Variants in PTPRT observed in about 807,000 individuals in gnomAD.
PTPRT encodes the protein receptor-type tyrosine-protein phosphatase T.
In PTPRT, 56 loss-of-function variants were observed where a neutral mutation model predicts 176.8. The observed-to-expected ratio is 0.32, with a 90% confidence interval of 0.26 to 0.40. PTPRT has a LOEUF of 0.40. Ranked by LOEUF, PTPRT falls within the 10% of genes least tolerant of loss-of-function variation. The pLI is 1.00. For missense variants in PTPRT, 1,540 were observed against 1,908.2 expected (o/e 0.81, Z 3.60); for synonymous variants, 783 against 739.0 (o/e 1.06, Z -0.96).
intron 6 of PTPRT, among the ~76,000 whole-genome samples, chr20:42,744,222 C>G (rs992092047): frequency 6.6e-6 from 1 of 152,274 alleles, no homozygotes; most frequent in African/African-American, 2.4e-5. Context: ...CAGACTCTAC[C>G]TGAGTTCATG....
At chr20:42,397,408 G>A (rs1600953946) in intron 9 of PTPRT, among the ~76,000 whole-genome samples, 1 of 152,182 alleles carries the variant, frequency 6.6e-6, no homozygotes. Flanking sequence ...CCCAGGTAGT[G>A]AGTGTAGTAC....
intron 9 of PTPRT, among the ~76,000 whole-genome samples, chr20:42,432,868 C>T: frequency 6.6e-6 from 1 of 152,172 alleles, no homozygotes. Context: ...TATGTCTTTG[C>T]CTGTAAATCT....
intron 17 of PTPRT, among the ~76,000 whole-genome samples, chr20:42,153,880 G>A (rs566982687): frequency 5.9e-5 from 9 of 152,270 alleles, no homozygotes; most frequent in African/African-American, 2.2e-4. Flanking sequence ...AAGATCCTTG[G>A]TAACTCTTCC....
chr20:43,187,560 A>C (rs1327417954), intron 1 of PTPRT, among the ~76,000 whole-genome samples: 1 of 152,032 alleles, frequency 6.6e-6, no homozygotes, highest in Non-Finnish European at 1.5e-5. Flanking sequence ...CCATTTCTAC[A>C]AATGTGTGAG....
At chr20:42,903,625 T>G (rs2079435841) in intron 1 of PTPRT, among the ~76,000 whole-genome samples, 1 of 152,176 alleles carries the variant, frequency 6.6e-6, no homozygotes, top group Non-Finnish European at 1.5e-5. Context: ...CTTTGGCAAT[T>G]TAGTCTGTAG....
At chr20:42,923,066 C>T (rs912338055) in intron 1 of PTPRT, among the ~76,000 whole-genome samples, 1 of 152,104 alleles carries the variant, frequency 6.6e-6, no homozygotes, top group African/African-American at 2.4e-5. Flanking sequence ...TTTAGGGAGG[C>T]CCTTCAGCAC....
chr20:42,939,083 A>G (rs756673589), intron 1 of PTPRT, among the ~76,000 whole-genome samples: 32 of 152,344 alleles, frequency 2.1e-4, no homozygotes, highest in Non-Finnish European at 4.0e-4. Context: ...TGTGTAATCC[A>G]TAGAAAGATG....
chr20:42,598,495 ATGAGAAGAAGAAAACT>A (rs1462268601), intron 7 of PTPRT, among the ~76,000 whole-genome samples: 2 of 152,202 alleles, frequency 1.3e-5, no homozygotes, highest in Non-Finnish European at 2.9e-5. Context: ...TAAAATATAG[ATGAGAAGAAGAAAACT>A]TGTTAGGGAA....
At chr20:42,698,938 A>G (rs1272942917) in intron 6 of PTPRT, among the ~76,000 whole-genome samples, 1 of 152,196 alleles carries the variant, frequency 6.6e-6, no homozygotes, top group African/African-American at 2.4e-5. Context: ...TACAGGAAGG[A>G]TTTCTAATGC....
intron 1 of PTPRT, among the ~76,000 whole-genome samples, chr20:42,963,692 A>G (rs1340566154): frequency 6.6e-6 from 1 of 152,152 alleles, no homozygotes; most frequent in Non-Finnish European, 1.5e-5. Flanking sequence ...GAAAATGAGT[A>G]AGGCTTATAT....
chr20:42,845,495 A>G (rs2078354309), intron 2 of PTPRT, among the ~76,000 whole-genome samples: 1 of 152,120 alleles, frequency 6.6e-6, no homozygotes, highest in African/African-American at 2.4e-5. Context: ...GTGGTCTGAG[A>G]AAAATCTGAC....
At chr20:42,823,036 G>A (rs770199941) in intron 2 of PTPRT, among the ~76,000 whole-genome samples, 6 of 151,982 alleles carry the variant, frequency 3.9e-5, no homozygotes, top group African/African-American at 9.7e-5. Flanking sequence ...CCCATTACTG[G>A]GTATATACCC....
chr20:42,186,554 A>G (rs1990792424), intron 16 of PTPRT, among the ~76,000 whole-genome samples: 1 of 152,020 alleles, frequency 6.6e-6, no homozygotes, highest in Admixed American at 6.5e-5. Context: ...AGAAAGGGGA[A>G]GTGAGATGAG....
chr20:42,728,169 C>A (rs2076407829), intron 6 of PTPRT, among the ~76,000 whole-genome samples: 1 of 152,186 alleles, frequency 6.6e-6, no homozygotes, highest in South Asian at 2.1e-4. Flanking sequence ...AGATTCTGTG[C>A]CACACAACTG....
At chr20:42,663,738 T>A (rs1317789437) in intron 7 of PTPRT, among the ~76,000 whole-genome samples, 1 of 152,218 alleles carries the variant, frequency 6.6e-6, no homozygotes, top group African/African-American at 2.4e-5. Context: ...GTAGGCTCTT[T>A]TTTTTAAAAC....
At chr20:42,604,570 T>C (rs1315316697) in intron 7 of PTPRT, among the ~76,000 whole-genome samples, 1 of 152,150 alleles carries the variant, frequency 6.6e-6, no homozygotes, top group Non-Finnish European at 1.5e-5. Flanking sequence ...TGGGTGGCTA[T>C]GGTGAGAGAA....
At chr20:42,935,303 C>T (rs777683335) in intron 1 of PTPRT, among the ~76,000 whole-genome samples, 20 of 151,656 alleles carry the variant, frequency 1.3e-4, no homozygotes, top group African/African-American at 2.9e-4. Flanking sequence ...GCACACCCGG[C>T]TAATTTCTAA....
intron 8 of PTPRT, among the ~76,000 whole-genome samples, chr20:42,452,593 T>G (rs534528457): frequency 6.6e-6 from 1 of 152,114 alleles, no homozygotes; most frequent in South Asian, 2.1e-4. Flanking sequence ...AGATGAAAAT[T>G]CTATTCATTC....
intron 1 of PTPRT, among the ~76,000 whole-genome samples, chr20:43,155,378 A>G (rs1568816811): frequency 2.0e-5 from 3 of 152,324 alleles, no homozygotes; most frequent in East Asian, 1.9e-4. Context: ...ACTTGCAACA[A>G]TGTGGATAAA....
Sources: allele counts gnomAD v4.1 joint callset (sites outside exome capture counted in the v4.1 genomes callset), GRCh38; gene constraint gnomAD v4.1.1; transcripts MANE v1.5; gene names NCBI Gene and HGNC (gene_info 2026-07-23, HGNC 2026-07-21).